The following GALNT17 variants were observed in gnomAD, a reference collection of about 807,000 sequenced individuals.
GALNT17 encodes the protein UDP-GalNAc:polypeptide N-acetylgalactosaminyltransferase-like 3.
GALNT17 carries 29 observed loss-of-function variants against 63.7 expected under a neutral mutation model. That is an observed-to-expected ratio of 0.46 (90% confidence interval 0.34 to 0.62). GALNT17 has a LOEUF of 0.62. Ranked by LOEUF, GALNT17 falls within the 20% of genes least tolerant of loss-of-function variation. The pLI, the probability that GALNT17 is intolerant of heterozygous loss-of-function variation, is 0.01. For synonymous variants in GALNT17, 305 were observed against 318.3 expected, an observed-to-expected ratio of 0.96 and a Z score of 0.45; for missense variants, 603 against 799.6, an observed-to-expected ratio of 0.75 and a Z score of 2.97.
chr7:71,342,744 C>T (rs1792027518), intron 2 of GALNT17, among the ~76,000 whole-genome samples: 1 of 152,144 alleles, frequency 6.6e-6, no homozygotes. Flanking sequence ...TCTTCAGTAG[C>T]AGGAAGTCAA....
At chr7:71,654,217 G>C (rs561746474) in intron 6 of GALNT17, among the ~76,000 whole-genome samples, 101 of 152,072 alleles carry the variant, frequency 6.6e-4, no homozygotes, top group Admixed American at 8.5e-4. Context: ...GGGTTTCACC[G>C]TGTTAGCCAG....
At chr7:71,360,885 C>T (rs1407569062) in intron 2 of GALNT17, among the ~76,000 whole-genome samples, 1 of 152,160 alleles carries the variant, frequency 6.6e-6, no homozygotes, top group Non-Finnish European at 1.5e-5. Context: ...TTGCAGTGAG[C>T]CAAGGTCGTG....
rs376301759 is a variant in GALNT17, at chr7:71,171,226, G to A, written c.238+38186G>A. Among the ~76,000 whole-genome samples, 5 of 152,246 alleles carry A rather than the reference G, an allele frequency of 3.3e-5. No homozygotes were observed. In the East Asian group the frequency reaches 5.8e-4, roughly 18 times the overall value. On this transcript the variant is annotated intron_variant, in intron 1 of 10. Transcript: ENST00000333538. Reference sequence around the variant, plus strand: ...AGTTAGCTATTATAGAATGTAAAACGTAAAATGCTTGGGCATGTTGGCCCA... The same window carrying A: ...AGTTAGCTATTATAGAATGTAAAACATAAAATGCTTGGGCATGTTGGCCCA...
chr7:71,595,257 A>G (rs1054637020), intron 6 of GALNT17, among the ~76,000 whole-genome samples: 7 of 152,092 alleles, frequency 4.6e-5, no homozygotes, highest in Admixed American at 4.6e-4. Flanking sequence ...CCCTGTCCAT[A>G]CAAAAAATAA....
At chr7:71,711,456 A>G (rs1034932276) in intron 10 of GALNT17, among the ~76,000 whole-genome samples, 4 of 152,002 alleles carry the variant, frequency 2.6e-5, no homozygotes, top group Non-Finnish European at 4.4e-5. Flanking sequence ...GCTATGTGCC[A>G]GGCGCCATGA....
chr7:71,416,061 C>A lies in GALNT17; in HGVS notation c.762C>A (p.Gly254=). Residue 254 remains glycine (G), a splice_region_variant and synonymous_variant, in exon 4 of 11, where the codon GGC becomes GGA. Transcript: ENST00000333538. The stretch of plus-strand genomic sequence containing the variant: ...ATGCCCACGTGGAATTCACCGCTGG[C>A]TGGTAGGTCATGAGCTGAAACTCAG... ...FFDAHVEFTA[G]WAEPVLSRIQ... 6.2e-7 allele frequency: 1 copy of A among 1,609,090 alleles called. No homozygotes were observed. The highest frequency in any genetic ancestry group is 1.1e-5 in the South Asian group (1 of 89,890).
rs1563026231 is a variant in GALNT17, at chr7:71,353,085, TG to T, written c.422+17358del. ...AAGAGGCATGCTAGCCTGAGGGCTTTGGGGGGTGGGGGTCAAAGGAGGTTAT... is the reference window on the plus strand; with the variant it reads ...AAGAGGCATGCTAGCCTGAGGGCTTTGGGGGTGGGGGTCAAAGGAGGTTAT... On this transcript the variant is annotated intron_variant, in intron 2 of 10. Transcript: ENST00000333538. Among the ~76,000 whole-genome samples, 8 of 149,554 alleles carry T rather than the reference TG, an allele frequency of 5.3e-5. No individual in the cohort carries two copies. In the South Asian group the frequency reaches 1.7e-3, roughly 32 times the overall value.
At chr7:71,207,633 G>A (rs1046603447) in intron 1 of GALNT17, among the ~76,000 whole-genome samples, 57 of 152,226 alleles carry the variant, frequency 3.7e-4, no homozygotes, top group African/African-American at 1.4e-3. Flanking sequence ...GCTTCTGGAG[G>A]CAAAACACAA....
At chr7:71,449,503 A>G (rs930398444) in intron 5 of GALNT17, among the ~76,000 whole-genome samples, 2 of 152,138 alleles carry the variant, frequency 1.3e-5, no homozygotes, top group Admixed American at 1.3e-4. Flanking sequence ...CTGCAGAGCA[A>G]TGTTGAGTAT....
In GALNT17 at chr7:71,294,409, CTTTTTTTTTTTT is replaced by C. The variant is rs869086513; in HGVS notation, c.239-41129_239-41118del. On this transcript the variant is annotated intron_variant, in intron 1 of 10. Transcript: ENST00000333538. ...TTTGCTTGATGATGTCTCATAAGTC[CTTTTTTTTTTTT>C]TTTTTTTTTTTGAGATGGAGTCTTG... Among the ~76,000 whole-genome samples, 214 of 91,942 alleles carry C rather than the reference CTTTTTTTTTTTT, an allele frequency of 2.3e-3. 1 individual carries two copies. The highest frequency in any genetic ancestry group is 0.011 in the African/African-American group (200 of 17,668). The allele number at this position is 91,942 out of a possible 152,430, so 60.3% of individuals were successfully genotyped here.
chr7:71,376,959 A>G (rs1792741160), intron 2 of GALNT17, among the ~76,000 whole-genome samples: 1 of 150,640 alleles, frequency 6.6e-6, no homozygotes, highest in Admixed American at 6.6e-5. Flanking sequence ...GGTGGTACAC[A>G]CCTGTAATCT....
At chr7:71,400,813 G>A (rs1793225746) in intron 3 of GALNT17, among the ~76,000 whole-genome samples, 1 of 152,214 alleles carries the variant, frequency 6.6e-6, no homozygotes, top group Non-Finnish European at 1.5e-5. Flanking sequence ...TAAAGAGGAG[G>A]CAGGAGTCAA....
chr7:71,228,005 A>G (rs1442533019), intron 1 of GALNT17, among the ~76,000 whole-genome samples: 1 of 152,064 alleles, frequency 6.6e-6, no homozygotes, highest in Non-Finnish European at 1.5e-5. Flanking sequence ...ATTCAGCCCG[A>G]TAGAGGAGGA....
At chr7:71,586,584 T>C (rs1469614210) in intron 6 of GALNT17, among the ~76,000 whole-genome samples, 1 of 152,176 alleles carries the variant, frequency 6.6e-6, no homozygotes, top group African/African-American at 2.4e-5. Flanking sequence ...TTAAAGAAAC[T>C]GTCAATCAGG....
intron 2 of GALNT17, among the ~76,000 whole-genome samples, chr7:71,376,499 AT>A (rs1366635978): frequency 1.7e-4 from 20 of 115,148 alleles, no homozygotes; most frequent in African/African-American, 6.9e-4. Flanking sequence ...ACTCAGATTC[AT>A]TTACTGAACT....
chr7:71,597,371 A>G (rs1789902431), intron 6 of GALNT17, among the ~76,000 whole-genome samples: 1 of 151,224 alleles, frequency 6.6e-6, no homozygotes, highest in Admixed American at 6.6e-5. Context: ...AGCTGAGTGC[A>G]GTGGTGCATG....
intron 6 of GALNT17, among the ~76,000 whole-genome samples, chr7:71,626,260 G>A (rs888980001): frequency 1.3e-4 from 19 of 147,894 alleles, no homozygotes; most frequent in Non-Finnish European, 2.7e-4. Flanking sequence ...AAAAAAGAAG[G>A]GACACAGACA....
chr7:71,526,528 A>T (rs1172709277), intron 5 of GALNT17, among the ~76,000 whole-genome samples: 21 of 151,290 alleles, frequency 1.4e-4, no homozygotes, highest in Admixed American at 1.4e-3. Context: ...TTATTGATTT[A>T]TTTATTTTGG....
At chr7:71,648,360 T>A (rs1429498626) in intron 6 of GALNT17, among the ~76,000 whole-genome samples, 1 of 151,386 alleles carries the variant, frequency 6.6e-6, no homozygotes, top group Non-Finnish European at 1.5e-5. Flanking sequence ...AGCCTGGAAC[T>A]CCTGGGATCA....
Sources: gnomAD v4.1 joint callset for allele counts (sites outside exome capture counted in the v4.1 genomes callset) on GRCh38, gnomAD v4.1.1 for gene constraint, MANE v1.5 for transcripts, NCBI Gene and HGNC (gene_info 2026-07-23, HGNC 2026-07-21) for gene names.